The following LRIF1 variants were observed in gnomAD, a reference collection of about 807,000 sequenced individuals.
LRIF1 encodes the protein ligand-dependent nuclear receptor-interacting factor 1.
A neutral mutation model predicts 52.7 loss-of-function variants in LRIF1; 32 were observed. The ratio of observed to expected loss-of-function variants is 0.61; its 90% CI spans 0.46 to 0.82. The LOEUF (loss-of-function observed/expected upper bound fraction) is 0.82, where lower values mean the gene tolerates loss of function less well. Among genes scored for constraint, LRIF1 ranks in the 40% least tolerant of loss-of-function variants. LRIF1 has a pLI of 0.00. For missense variants in LRIF1, 887 were observed against 892.0 expected (o/e 0.99, Z 0.07); for synonymous variants, 323 against 317.4 (o/e 1.02, Z -0.19).
chr1:110,914,622 AGG>A, the LRIF1 span, among the ~76,000 whole-genome samples: 1 of 152,068 alleles, frequency 6.6e-6, no homozygotes, highest in African/African-American at 2.4e-5. Flanking sequence ...GTGTGGTGGC[AGG>A]CACCTGTAAT....
intron 3 of LRIF1, among the ~76,000 whole-genome samples, chr1:110,949,465 G>A (rs1658366989): frequency 6.8e-6 from 1 of 147,692 alleles, no homozygotes; most frequent in Non-Finnish European, 1.5e-5. Context: ...TGTCGCCTGG[G>A]CTGGAGTGCA....
rs1009593983 is a variant in LRIF1 at position 110,952,406 on chromosome 1, A to G, written c.478T>C (p.Ser160Pro). Reference sequence around the variant, plus strand: ...TGGGTATTAACTACAATAAAAGATGAGTCTTTTTGTGTTGAGGGAGGAACA... The same window carrying G: ...TGGGTATTAACTACAATAAAAGATGGGTCTTTTTGTGTTGAGGGAGGAACA... ...FAVPPSTQKDSSFIVVNTQSL... is the reference protein window; with the variant it reads ...FAVPPSTQKDPSFIVVNTQSL... The change falls in exon 2 of 4, where the codon TCA becomes CCA. Residue 160 changes from serine (S) to proline (P), a missense_variant. Physicochemically the swap from Ser to Pro is moderately conservative, Grantham distance 74. Coordinates refer to ENST00000369763, the MANE Select transcript of LRIF1 (RefSeq NM_018372.4). The G allele has an allele frequency of 3.7e-6, 6 of 1,613,220 alleles. No homozygotes were observed. Among genetic ancestry groups the G allele is most frequent in the Non-Finnish European group, 5.1e-6 (6 of 1,179,178 alleles).
chr1:110,888,172 A>G, the LRIF1 span, among the ~76,000 whole-genome samples: 1 of 152,188 alleles, frequency 6.6e-6, no homozygotes, highest in South Asian at 2.1e-4. Flanking sequence ...AACAACCTGA[A>G]TGTATACTTC....
the LRIF1 span, among the ~76,000 whole-genome samples, chr1:110,926,826 G>A: frequency 2.0e-4 from 30 of 152,162 alleles, no homozygotes; most frequent in African/African-American, 6.3e-4. Flanking sequence ...ATACTGCTGC[G>A]GAAAAAGAAT....
At chr1:110,956,248 A>T (rs1481996874) in intron 1 of LRIF1, among the ~76,000 whole-genome samples, 1 of 152,196 alleles carries the variant, frequency 6.6e-6, no homozygotes, top group African/African-American at 2.4e-5. Flanking sequence ...GTGGTTATGA[A>T]TTTATAGTGG....
the LRIF1 span, chr1:110,896,766 C>T: frequency 1.3e-6 from 2 of 1,572,256 alleles, no homozygotes; most frequent in Admixed American, 1.7e-5. Flanking sequence ...TGTTATTGAC[C>T]TCTTTGTTTA....
the LRIF1 span, among the ~76,000 whole-genome samples, chr1:110,922,878 T>C: frequency 1.3e-3 from 193 of 152,326 alleles, 1 homozygote; most frequent in African/African-American, 4.5e-3. Context: ...CCTTGGGTCT[T>C]GGCCACATCA....
Position 110,951,389 on chromosome 1 carries a change from T to C in LRIF1, c.1495A>G (p.Arg499Gly), listed in dbSNP as rs763138066. The C allele has an allele frequency of 6.2e-7, 1 of 1,614,164 alleles. No individual in the cohort carries two copies. Among genetic ancestry groups the C allele is most frequent in the East Asian group, 2.2e-5 (1 of 44,876 alleles). The change falls in exon 2 of 4, where the codon AGA (arginine) becomes GGA (glycine). Residue 499 changes from arginine (R) to glycine (G), a missense_variant. Coordinates refer to ENST00000369763, the MANE Select transcript of LRIF1 (RefSeq NM_018372.4). ...ATGCTCTGGAGGACACTTCCTTTTC[T>C]AGCATAAATGACGGCTGTTACTTTT... ...PRKVTAVIYA[R>G]KGSVLQSIEK...
chr1:110,943,236 C>T (rs961784703), downstream of LRIF1, among the ~76,000 whole-genome samples: 8 of 152,096 alleles, frequency 5.3e-5, no homozygotes, highest in South Asian at 2.1e-4. Flanking sequence ...CTTTAGAATG[C>T]TCTTGCAGAA....
chr1:110,928,613 A>G, the LRIF1 span, among the ~76,000 whole-genome samples: 1 of 152,220 alleles, frequency 6.6e-6, no homozygotes, highest in African/African-American at 2.4e-5. Flanking sequence ...GTAGGAAAAA[A>G]TGTTAGAATA....
chr1:110,957,485 A>AAAAAAAAAAAAAAAAAAAAAT (rs1658753402), intron 1 of LRIF1, among the ~76,000 whole-genome samples: 1 of 148,952 alleles, frequency 6.7e-6, no homozygotes, highest in African/African-American at 2.5e-5. Flanking sequence ...AAAAAAAAAA[A>AAAAAAAAAAAAAAAAAAAAAT]AAAAAAAGAC....
the LRIF1 span, chr1:110,937,472 G>A: frequency 6.6e-6 from 1 of 152,028 alleles, no homozygotes; most frequent in African/African-American, 2.4e-5. Flanking sequence ...ATATGCTCCA[G>A]AATGACCAGT....
chr1:110,952,014 T>C lies in LRIF1; in HGVS notation c.870A>G (p.Lys290=). The part of the protein sequence containing the change: ...GGQHSQAAPV[K]WIFQDNLQPF... ...GCTGTAGATTATCTTGGAAAATCCA[T>C]TTCACTGGAGCAGCTTGAGAATGCT... The change falls in exon 2 of 4, where the codon AAA becomes AAG. Residue 290 remains lysine (K), a synonymous_variant. Transcript: ENST00000369763. 20 of 1,614,210 alleles carry C rather than the reference T, an allele frequency of 1.2e-5. No homozygotes were observed. Among genetic ancestry groups the C allele is most frequent in the African/African-American group, 2.7e-5 (2 of 75,058 alleles).
Position 110,948,318 on chromosome 1 carries a change from T to C in LRIF1, c.1951A>G (p.Asn651Asp). Residue 651 changes from asparagine to aspartate, a missense_variant, in exon 4 of 4, where the codon AAC (asparagine) becomes GAC (aspartate). Transcript: ENST00000369763. Reference sequence around the variant, plus strand: ...TTAGCTTCCCCATTTATGATTGCGTTATAAGCATTCTCTGTTTTTCTCTTC... The same window carrying C: ...TTAGCTTCCCCATTTATGATTGCGTCATAAGCATTCTCTGTTTTTCTCTTC... ...IKKRKTENAY[N>D]AIINGEANVT... 6.2e-7 allele frequency: 1 copy of C among 1,614,140 alleles called. No individual in the cohort carries two copies. Among genetic ancestry groups the C allele is most frequent in the Non-Finnish European group, 8.5e-7 (1 of 1,180,006 alleles).
the LRIF1 span, among the ~76,000 whole-genome samples, chr1:110,882,941 T>G: frequency 6.6e-6 from 1 of 152,068 alleles, no homozygotes; most frequent in African/African-American, 2.4e-5. Flanking sequence ...TACTTGTTAG[T>G]TCTAGTAGTA....
Position 110,952,705 on chromosome 1 carries a change from T to G in LRIF1, c.179A>C (p.Gln60Pro). 6.2e-7 allele frequency: 1 copy of G among 1,614,042 alleles called. No individual in the cohort carries two copies. The highest frequency in any genetic ancestry group is 8.5e-7 in the Non-Finnish European group (1 of 1,179,964). Reference protein sequence around the residue: ...KSSGNLIPLVQSSVMSDALKG... With the variant: ...KSSGNLIPLVPSSVMSDALKG... ...CAAAGCATCAGACATGACTGAAGAT[T>G]GAACTAGTGGTATAAGATTTCCAGA... Residue 60 changes from glutamine to proline, a missense_variant, in exon 2 of 4, where the codon CAA becomes CCA. Coordinates refer to ENST00000369763, the MANE Select transcript of LRIF1 (RefSeq NM_018372.4).
chr1:110,896,806 A>G, the LRIF1 span: 2 of 1,301,334 alleles, frequency 1.5e-6, no homozygotes, highest in Non-Finnish European at 2.2e-6. Flanking sequence ...AACTGCAGTC[A>G]TAGAGGACCT....
rs1402860821 is a variant in LRIF1, at chr1:110,952,156, G to A, written c.728C>T (p.Thr243Ile). The A allele has an allele frequency of 1.2e-6, 2 of 1,614,134 alleles. No individual in the cohort carries two copies. Among genetic ancestry groups the A allele is most frequent in the Non-Finnish European group, 1.7e-6 (2 of 1,180,028 alleles). ...TGGGTAAATGTTTTGAAAGTTCTTG[G>A]TAACTACATTTTTCACTGTATTTAC... ...SPVNTVKNVV[T>I]KNFQNIYPKP... Residue 243 changes from threonine to isoleucine, a missense_variant, in exon 2 of 4, where the codon ACC becomes ATC. Physicochemically the swap from Thr to Ile is moderately conservative, Grantham distance 89 (BLOSUM62 -1). Coordinates refer to ENST00000369763, the MANE Select transcript of LRIF1 (RefSeq NM_018372.4).
chr1:110,910,292 C>CAAAA, the LRIF1 span, among the ~76,000 whole-genome samples: 1 of 134,478 alleles, frequency 7.4e-6, no homozygotes. Flanking sequence ...AAGCAATTCT[C>CAAAA]AAAAAAAAAA....
Sources: gnomAD v4.1 joint callset for allele counts (sites outside exome capture counted in the v4.1 genomes callset) on GRCh38, gnomAD v4.1.1 for gene constraint, MANE v1.5 for transcripts, NCBI Gene and HGNC (gene_info 2026-07-23, HGNC 2026-07-21) for gene names.